The following DNAH14 variants were observed in gnomAD, a reference collection of about 807,000 sequenced individuals.
DNAH14 encodes dynein axonemal heavy chain 14.
A neutral mutation model predicts 520.9 loss-of-function variants in DNAH14; 478 were observed. The observed-to-expected ratio is 0.92, with a 90% CI of 0.85 to 0.99. DNAH14 has a LOEUF of 0.99. DNAH14 is among the 50% of genes least tolerant of loss of function. The probability of loss-of-function intolerance (pLI) is 0.00; values close to 1 mark genes in which losing one functional copy is unlikely to be tolerated. For missense variants in DNAH14, 4,831 were observed against 5,234.5 expected (o/e 0.92, Z 2.38); for synonymous variants, 1,581 against 1,757.2 (o/e 0.90, Z 2.51).
Position 225,185,439 on chromosome 1 carries a change from TAAATA to T in DNAH14, c.5670+19_5670+23del. 6.6e-7 allele frequency: 1 copy of T among 1,515,528 alleles called. No homozygotes were observed. Among genetic ancestry groups the T allele is most frequent in the Non-Finnish European group, 8.8e-7 (1 of 1,134,540 alleles). 93.9% of individuals were successfully genotyped at this position (1,515,528 alleles called of 1,614,324 possible). ...TCTGCTTCAAAGGTAAATGTTCTGTTAAATAAAATGTTTCTCTATTTGTTCATATC... is the reference window on the plus strand; with the variant it reads ...TCTGCTTCAAAGGTAAATGTTCTGTTAAATGTTTCTCTATTTGTTCATATC... On this transcript the variant is annotated intron_variant, in intron 37 of 85. Transcript: ENST00000682510.
At chr1:225,160,171 TG>T (rs1306716436) in intron 35 of DNAH14, among the ~76,000 whole-genome samples, 1 of 152,216 alleles carries the variant, frequency 6.6e-6, no homozygotes, top group Non-Finnish European at 1.5e-5. Context: ...CAATATATCC[TG>T]TTCTTCCTTC....
At position 225,377,255 on chromosome 1, in the gene DNAH14, G is replaced by A; in HGVS notation, c.12535G>A (p.Gly4179Arg). 7.1e-7 allele frequency: 1 copy of A among 1,406,348 alleles called. No individual in the cohort carries two copies. Among genetic ancestry groups the A allele is most frequent in the Non-Finnish European group, 9.3e-7 (1 of 1,070,380 alleles). 87.1% of individuals were successfully genotyped at this position (1,406,348 alleles called of 1,614,324 possible). A position where few individuals can be genotyped will look rare whatever the true frequency, so the allele number is the denominator to read the frequency against. ...SSDGICLPVP[G>R]SASIKDYIHI... ...TTTTCAGATATGTCTGCCAGTTCCA[G>A]GATCTGCAAGCATAAAGGACTACAT... The change falls in exon 79 of 86, where the codon GGA becomes AGA. Residue 4179 changes from glycine (G) to arginine (R), a missense_variant. Coordinates refer to ENST00000682510, the MANE Select transcript of DNAH14 (RefSeq NM_001367479.1).
chr1:225,240,690 G>C lies in DNAH14; in HGVS notation c.6616G>C (p.Ala2206Pro). ...VFAFTWAFGG[A>P]LNREDEHREN... Reference sequence around the variant, plus strand: ...TGCCTTTACTTGGGCATTTGGAGGAGCTTTAAACCGTGAAGATGAACACAG... The same window carrying C: ...TGCCTTTACTTGGGCATTTGGAGGACCTTTAAACCGTGAAGATGAACACAG... The change falls in exon 43 of 86, where the codon GCT becomes CCT. Residue 2206 changes from alanine (A) to proline (P), a missense_variant. Transcript: ENST00000682510. 1.9e-6 allele frequency: 3 copies of C among 1,551,066 alleles called. No homozygotes were observed. The highest frequency in any genetic ancestry group is 2.6e-6 in the Non-Finnish European group (3 of 1,146,640).
chr1:224,971,462 G>A (rs889918095), intron 7 of DNAH14, among the ~76,000 whole-genome samples: 2 of 152,112 alleles, frequency 1.3e-5, no homozygotes, highest in Non-Finnish European at 2.9e-5. Context: ...AAGAACTGGA[G>A]ATAGAACTGT....
At chr1:225,114,475 C>G (rs7554589) in intron 23 of DNAH14, among the ~76,000 whole-genome samples, 5,449 of 152,202 alleles carry the variant, frequency 0.036, 311 homozygotes, top group African/African-American at 0.12. Context: ...GATGCAAGCT[C>G]TCCTTTAGTT....
chr1:225,351,782 G>A lies in DNAH14; in HGVS notation c.11432G>A (p.Trp3811Ter), dbSNP rs2095369007. The change falls in exon 72 of 86, where the codon TGG becomes TAG. Residue 3811 changes from tryptophan (W) to a stop codon, truncating the protein, a stop_gained. Coordinates refer to ENST00000682510, the MANE Select transcript of DNAH14 (RefSeq NM_001367479.1). LOFTEE classifies it high-confidence loss of function. ...CKSLLSNVSQWDTFKNSKAVY... is the reference protein window; with the variant it reads ...CKSLLSNVSQ ...TCCCTTTTATCAAACGTATCACAAT[G>A]GGATACTTTTAAGAACAGTAAAGCA... is the stretch of plus-strand genomic sequence containing the variant. 1 of 1,551,246 alleles carries A rather than the reference G, an allele frequency of 6.4e-7. No individual in the cohort carries two copies. The highest frequency in any genetic ancestry group is 1.2e-5 in the South Asian group (1 of 84,058).
At chr1:225,360,402 A>G (rs929235739) in intron 74 of DNAH14, among the ~76,000 whole-genome samples, 7 of 151,942 alleles carry the variant, frequency 4.6e-5, no homozygotes, top group African/African-American at 1.7e-4. Flanking sequence ...CATCTCGAAC[A>G]ACACTGGGGT....
Position 225,052,156 on chromosome 1 carries a change from A to G in DNAH14, c.2424+361A>G, listed in dbSNP as rs118090518. Among the ~76,000 whole-genome samples, 33 of 152,264 alleles carry G rather than the reference A, an allele frequency of 2.2e-4. No homozygotes were observed. In the East Asian group the frequency reaches 5.8e-3, roughly 27 times the overall value. ...TTCCATTAGAATGTAAGCTTCATCA[A>G]GCTATGGAGTATCTAAGATAAATCT... On this transcript the variant is annotated intron_variant, in intron 17 of 85. Transcript: ENST00000682510.
chr1:225,151,790 A>T (rs2080525856), intron 31 of DNAH14: 1 of 653,012 alleles, frequency 1.5e-6, no homozygotes, highest in South Asian at 1.7e-5. Flanking sequence ...TTTGGACATA[A>T]TCAAATACAT....
At chr1:225,079,672 C>T (rs200596323) in intron 18 of DNAH14, 124 bp downstream of exon 18, 1,417 of 326,076 alleles carry the variant, frequency 4.3e-3, no homozygotes, top group South Asian at 6.5e-3. Context: ...TACAAGTATT[C>T]TTTTTTTTTT....
intron 1 of DNAH14, among the ~76,000 whole-genome samples, chr1:224,951,644 A>ATTTT (rs67437504): frequency 8.6e-4 from 69 of 80,142 alleles, no homozygotes; most frequent in African/African-American, 2.1e-3. Context: ...AGATTTCTGG[A>ATTTT]TTTTTTTTTT....
At chr1:224,968,163 C>T (rs1257358252) in intron 6 of DNAH14, among the ~76,000 whole-genome samples, 1 of 151,992 alleles carries the variant, frequency 6.6e-6, no homozygotes, top group African/African-American at 2.4e-5. Context: ...CTCTAATATG[C>T]AGTATCAAGT....
intron 27 of DNAH14, among the ~76,000 whole-genome samples, chr1:225,134,046 G>A (rs1488525784): frequency 2.0e-5 from 3 of 151,958 alleles, no homozygotes; most frequent in Admixed American, 2.0e-4. Flanking sequence ...GTATATATAG[G>A]AATGCTAGCA....
intron 8 of DNAH14, among the ~76,000 whole-genome samples, chr1:224,976,980 A>G (rs547576948): frequency 1.0e-3 from 154 of 151,418 alleles, no homozygotes; most frequent in African/African-American, 3.4e-3. Context: ...CAGCCATCCC[A>G]TTACTGGGTA....
intron 36 of DNAH14, among the ~76,000 whole-genome samples, chr1:225,170,995 G>T (rs919650965): frequency 2.6e-5 from 4 of 152,046 alleles, no homozygotes; most frequent in Non-Finnish European, 4.4e-5. Context: ...ACATGGAAAC[G>T]GAACAACCTG....
chr1:225,336,036 C>T (rs61850029), intron 66 of DNAH14, among the ~76,000 whole-genome samples: 2 of 98,202 alleles, frequency 2.0e-5, no homozygotes, highest in Admixed American at 1.1e-4. Flanking sequence ...TGTATATACA[C>T]ACATATATGC....
At position 225,079,605 on chromosome 1, in the gene DNAH14, C is replaced by T. The variant is rs536984906; in HGVS notation, c.2766+57C>T. On this transcript the variant is annotated intron_variant, in intron 18 of 85. Coordinates refer to ENST00000682510, the MANE Select transcript of DNAH14 (RefSeq NM_001367479.1). ...TTTATTAAAAACTTGATCTTAGTCT[C>T]GTAAGTCCAGGCATTTGGGTATTTG... is the stretch of plus-strand genomic sequence containing the variant. The T allele has an allele frequency of 2.2e-5, 30 of 1,335,604 alleles. 1 individual carries two copies. The highest frequency in any genetic ancestry group is 1.2e-4 in the South Asian group (8 of 67,472). 82.7% of individuals were successfully genotyped at this position (1,335,604 alleles called of 1,614,324 possible). A position where few individuals can be genotyped will look rare whatever the true frequency, so the allele number is the denominator to read the frequency against.
chr1:225,019,342 C>T (rs987380841), intron 10 of DNAH14, among the ~76,000 whole-genome samples: 2 of 152,048 alleles, frequency 1.3e-5, no homozygotes, highest in African/African-American at 4.8e-5. Context: ...CATTACATAA[C>T]AATATAGAGT....
chr1:225,299,820 C>T (rs114787857), intron 55 of DNAH14, among the ~76,000 whole-genome samples: 187 of 152,194 alleles, frequency 1.2e-3, no homozygotes, highest in African/African-American at 4.4e-3. Context: ...GGCAGTTCTC[C>T]ATCACATATG....
Sources: allele counts gnomAD v4.1 joint callset (sites outside exome capture counted in the v4.1 genomes callset), GRCh38; gene constraint gnomAD v4.1.1; transcripts MANE v1.5; gene names NCBI Gene and HGNC (gene_info 2026-07-23, HGNC 2026-07-21).